Variants in LAMB4 observed in about 807,000 individuals in gnomAD.
LAMB4 encodes laminin subunit beta-4.
In LAMB4, 196 loss-of-function variants were observed where a neutral mutation model predicts 199.2. That is an observed-to-expected ratio of 0.98 (90% CI 0.88 to 1.11). LAMB4 has a LOEUF of 1.11. LAMB4 is among the 50% of genes least tolerant of loss of function. The pLI, the probability that LAMB4 is intolerant of heterozygous loss-of-function variation, is 0.00. For missense variants in LAMB4, 2,080 were observed against 2,171.2 expected, an observed-to-expected ratio of 0.96 and a Z score of 0.83; for synonymous variants, 744 against 770.6, an observed-to-expected ratio of 0.97 and a Z score of 0.57.
rs192057658 is a variant in LAMB4, at chr7:108,039,402, G to A, written c.4472-1807C>T. Among the ~76,000 whole-genome samples, 268 of 151,946 alleles carry A rather than the reference G, an allele frequency of 1.8e-3. 1 individual carries two copies. Among genetic ancestry groups the A allele is most frequent in the African/African-American group, 6.2e-3 (259 of 41,448 alleles). ...AGCAATGTGACAAGAATTTTTTTGTGAGGGAAGTAAAATGACATTTTAAAT... is the reference window on the plus strand; with the variant it reads ...AGCAATGTGACAAGAATTTTTTTGTAAGGGAAGTAAAATGACATTTTAAAT... On this transcript the variant is annotated intron_variant, in intron 29 of 33. Coordinates refer to ENST00000388781, the MANE Select transcript of LAMB4 (RefSeq NM_007356.3).
chr7:108,112,046 C>G, intron 3 of LAMB4, 100 bp from the exon 4 acceptor site: 1 of 912,612 alleles, frequency 1.1e-6, no homozygotes, highest in Non-Finnish European at 1.6e-6. Context: ...GTCTTCCAAA[C>G]TGGCTAAAAA....
At position 108,037,248 on chromosome 7, in the gene LAMB4, G is replaced by A. The variant is rs2035262011; in HGVS notation, c.4679+140C>T. 4.2e-5 allele frequency: 28 copies of A among 673,586 alleles called. No individual in the cohort carries two copies. In the South Asian group the frequency reaches 5.3e-4, roughly 13 times the overall value. The allele number at this position is 673,586 out of a possible 1,614,324, so 41.7% of individuals were successfully genotyped here. A position where few individuals can be genotyped will look rare whatever the true frequency, so the allele number is the denominator to read the frequency against. ...GCTTCCCGGGGAATCTCCAAAGAGA[G>A]CTCAGCCCTCAACTTGGGCACTGAA... On this transcript the variant is annotated intron_variant, in intron 30 of 33. Coordinates refer to ENST00000388781, the MANE Select transcript of LAMB4 (RefSeq NM_007356.3).
chr7:108,043,942 A>G (rs768207512), intron 28 of LAMB4, 46 bp from the exon 29 acceptor site: 4 of 1,519,660 alleles, frequency 2.6e-6, no homozygotes, highest in African/African-American at 1.4e-5. Context: ...AATATACTCA[A>G]CAAAGTCATG....
chr7:108,040,523 C>T (rs1276564689), intron 29 of LAMB4, among the ~76,000 whole-genome samples: 2 of 152,156 alleles, frequency 1.3e-5, no homozygotes, highest in Non-Finnish European at 2.9e-5. Context: ...TACAGGGCTA[C>T]AGTAACCAAA....
Position 108,033,590 on chromosome 7 carries a change from A to G in LAMB4, c.4818+618T>C, listed in dbSNP as rs571902120. ...TGCCTGGCTAATTTTTGTATTTTTC[A>G]TAGAGACGGGGTTTCACCATGTTGG... On this transcript the variant is annotated intron_variant, in intron 31 of 33. Transcript: ENST00000388781. Among the ~76,000 whole-genome samples, 36 of 151,672 alleles carry G rather than the reference A, an allele frequency of 2.4e-4. No individual in the cohort carries two copies. The East Asian group carries it at 5.6e-3, about 24-fold the overall frequency.
intron 31 of LAMB4, 41 bp from the exon 32 acceptor site, chr7:108,031,020 T>G: frequency 1.3e-6 from 2 of 1,576,852 alleles, no homozygotes; most frequent in Non-Finnish European, 1.7e-6. Flanking sequence ...AATCTCTTTA[T>G]GAAACAAACA....
chr7:108,099,630 C>T (rs1381359289), intron 10 of LAMB4, among the ~76,000 whole-genome samples: 1 of 152,090 alleles, frequency 6.6e-6, no homozygotes, highest in Non-Finnish European at 1.5e-5. Flanking sequence ...CCATGGGGTT[C>T]CACTTTTAAG....
At chr7:108,069,970 A>G in intron 17 of LAMB4, 85 bp from the exon 18 acceptor site, 1 of 1,091,330 alleles carries the variant, frequency 9.2e-7, no homozygotes. Flanking sequence ...TAGATCTATG[A>G]AAATAATGGT....
At chr7:108,110,770 G>C (rs1584774125) in intron 4 of LAMB4, among the ~76,000 whole-genome samples, 1 of 152,144 alleles carries the variant, frequency 6.6e-6, no homozygotes, top group African/African-American at 2.4e-5. Flanking sequence ...ACAGGTGGCT[G>C]TGGAAAAAAC....
In LAMB4 at chr7:108,055,989, GC is replaced by G; in HGVS notation, c.3397del (p.Ala1133GlnfsTer64). 6.2e-7 allele frequency: 1 copy of G among 1,611,580 alleles called. No individual in the cohort carries two copies. Among genetic ancestry groups the G allele is most frequent in the Non-Finnish European group, 8.5e-7 (1 of 1,178,572 alleles). ...ATCACAGATGGGCTTCTGGGTACCT[GC>G]CCTGTTACAATCACATGCTAAAAAG... ...GRCIPCDCNR[A>X]GTQKPICDPD... On this transcript the variant is annotated frameshift_variant, in exon 25 of 34. Transcript: ENST00000388781. LOFTEE classifies it high-confidence loss of function.
chr7:108,104,311 G>A (rs543044395), intron 9 of LAMB4, among the ~76,000 whole-genome samples, 188 bp downstream of exon 9: 11 of 152,220 alleles, frequency 7.2e-5, no homozygotes, highest in Non-Finnish European at 1.3e-4. Context: ...TTTGTGGTGG[G>A]AGAGTTGGAG....
At chr7:108,016,656 G>A in the LAMB4 span, among the ~76,000 whole-genome samples, 1 of 152,176 alleles carries the variant, frequency 6.6e-6, no homozygotes, top group East Asian at 1.9e-4. Context: ...TGTGAGAGCT[G>A]ATACCTGCAT....
At chr7:108,083,716 T>C (rs890053609) in intron 14 of LAMB4, among the ~76,000 whole-genome samples, 1 of 152,152 alleles carries the variant, frequency 6.6e-6, no homozygotes, top group African/African-American at 2.4e-5. Flanking sequence ...AGGCATTTAT[T>C]TGATGCTGTG....
At chr7:108,024,555 T>C (rs2150475416) in intron 33 of LAMB4, among the ~76,000 whole-genome samples, 1 of 152,346 alleles carries the variant, frequency 6.6e-6, no homozygotes, top group East Asian at 1.9e-4. Flanking sequence ...TGTTTTCCAA[T>C]CTTTCAGAAA....
At chr7:108,022,470 C>T (rs965785653), downstream of LAMB4, among the ~76,000 whole-genome samples, 3 of 152,236 alleles carry the variant, frequency 2.0e-5, no homozygotes, top group African/African-American at 7.2e-5. Context: ...TAAAGAGACA[C>T]TGTTTCACTG....
In LAMB4 at chr7:108,091,610, T is replaced by G. The variant is rs776909467; in HGVS notation, c.1701+16A>C. On this transcript the variant is annotated intron_variant, in intron 14 of 33. Transcript: ENST00000388781. ...CATCAAACACAGTCTGTAGGGAAAG[T>G]AAATGAAATACGAACCAAAGGCGCC... 1 of 1,609,836 alleles carries G rather than the reference T, an allele frequency of 6.2e-7. No homozygotes were observed.
chr7:108,055,958 G>T lies in LAMB4; in HGVS notation c.3429C>A (p.Asp1143Glu). The T allele has an allele frequency of 1.2e-6, 2 of 1,614,150 alleles. No individual in the cohort carries two copies. Among genetic ancestry groups the T allele is most frequent in the African/African-American group, 1.3e-5 (1 of 75,060 alleles). ...CCTCCCGGCAGCGGCACATGCCTGTGTCTGGATCACAGATGGGCTTCTGGG... is the reference window on the plus strand; with the variant it reads ...CCTCCCGGCAGCGGCACATGCCTGTTTCTGGATCACAGATGGGCTTCTGGG... ...AGTQKPICDP[D>E]TGMCRCREGV... The change falls in exon 25 of 34, where the codon GAC (aspartate) becomes GAA (glutamate). Residue 1143 changes from aspartate (D) to glutamate (E), a missense_variant. Transcript: ENST00000388781.
chr7:108,049,692 G>A (rs2035765241), intron 26 of LAMB4, among the ~76,000 whole-genome samples, 161 bp from the exon 27 acceptor site: 1 of 152,152 alleles, frequency 6.6e-6, no homozygotes, highest in African/African-American at 2.4e-5. Flanking sequence ...ATGGGGGAAG[G>A]ATTAGCTATA....
the LAMB4 span, among the ~76,000 whole-genome samples, chr7:108,017,979 C>G: frequency 9.2e-5 from 14 of 152,320 alleles, no homozygotes; most frequent in East Asian, 2.7e-3. Flanking sequence ...GGGGACAAAC[C>G]ATGCTCTTCG....
Sources: allele counts gnomAD v4.1 joint callset (sites outside exome capture counted in the v4.1 genomes callset), GRCh38; gene constraint gnomAD v4.1.1; transcripts MANE v1.5; gene names NCBI Gene and HGNC (gene_info 2026-07-23, HGNC 2026-07-21).